The following PCSK6 variants were observed in gnomAD, a reference collection of about 807,000 sequenced individuals.
PCSK6 encodes paired basic amino acid cleaving enzyme 4.
In PCSK6, 85 loss-of-function variants were observed where a neutral mutation model predicts 123.3. The ratio of observed to expected loss-of-function variants is 0.69; its 90% CI spans 0.58 to 0.83. The LOEUF is 0.83. PCSK6 is among the 40% of genes least tolerant of loss of function. The probability of loss-of-function intolerance (pLI) is 0.00; values close to 1 mark genes in which losing one functional copy is unlikely to be tolerated. For missense variants in PCSK6, 1,191 were observed against 1,282.3 expected, an observed-to-expected ratio of 0.93 and a Z score of 1.09; for synonymous variants, 508 against 516.0, an observed-to-expected ratio of 0.98 and a Z score of 0.21.
intron 6 of PCSK6, among the ~76,000 whole-genome samples, chr15:101,422,929 AACTT>A (rs1233645606): frequency 6.6e-6 from 1 of 152,134 alleles, no homozygotes; most frequent in African/African-American, 2.4e-5. Context: ...CCAAGAAAGA[AACTT>A]AATGATATTC....
intron 1 of PCSK6, among the ~76,000 whole-genome samples, chr15:101,483,386 G>T (rs2057939763): frequency 6.6e-6 from 1 of 152,228 alleles, no homozygotes; most frequent in African/African-American, 2.4e-5. Context: ...GTCCTGCTCA[G>T]TAGCTATTTT....
intron 20 of PCSK6, among the ~76,000 whole-genome samples, chr15:101,311,681 C>T (rs1297959858): frequency 4.8e-5 from 5 of 103,792 alleles, no homozygotes; most frequent in Non-Finnish European, 7.9e-5. Flanking sequence ...CCCACCCCAT[C>T]GTCACCCCTC....
chr15:101,313,266 G>A (rs769942337), intron 20 of PCSK6, 110 bp downstream of exon 20: 1 of 1,583,896 alleles, frequency 6.3e-7, no homozygotes, highest in Non-Finnish European at 8.6e-7. Flanking sequence ...ACAGTGGGGT[G>A]ATGCAACATG....
intron 16 of PCSK6, among the ~76,000 whole-genome samples, chr15:101,326,079 C>A (rs918865928): frequency 1.3e-5 from 2 of 152,250 alleles, no homozygotes; most frequent in Non-Finnish European, 2.9e-5. Context: ...TCTGGGGCAG[C>A]CTTGGCACGC....
At chr15:101,400,016 C>T (rs914758639) in intron 6 of PCSK6, among the ~76,000 whole-genome samples, 2 of 152,094 alleles carry the variant, frequency 1.3e-5, no homozygotes, top group African/African-American at 2.4e-5. Flanking sequence ...AATATTTTGG[C>T]TATTTTCTTT....
At chr15:101,469,192 A>T (rs1296349576) in intron 1 of PCSK6, among the ~76,000 whole-genome samples, 1 of 151,976 alleles carries the variant, frequency 6.6e-6, no homozygotes, top group Non-Finnish European at 1.5e-5. Flanking sequence ...GAGCCTTACA[A>T]CTCCTGCTCA....
chr15:101,473,127 T>C (rs1313366725), intron 1 of PCSK6, among the ~76,000 whole-genome samples: 1 of 152,174 alleles, frequency 6.6e-6, no homozygotes, highest in East Asian at 1.9e-4. Context: ...CAGGCTGGAG[T>C]GCAGTGGCAT....
chr15:101,470,295 ATAATG>A lies in PCSK6; in HGVS notation c.297+19074_297+19078del, dbSNP rs1442442217. On this transcript the variant is annotated intron_variant, in intron 1 of 21. Coordinates refer to ENST00000611716, the MANE Select transcript of PCSK6 (RefSeq NM_002570.5). ...AATGACATCTTATTTATCTGTCTTT[ATAATG>A]TAATTAGTGTAATATCTGTATGTGT... Among the ~76,000 whole-genome samples, 5 of 152,310 alleles carry A rather than the reference ATAATG, an allele frequency of 3.3e-5. No individual in the cohort carries two copies. The East Asian group carries it at 9.6e-4, about 29-fold the overall frequency.
chr15:101,371,087 A>G (rs1461766644), intron 11 of PCSK6, among the ~76,000 whole-genome samples: 1 of 152,172 alleles, frequency 6.6e-6, no homozygotes, highest in East Asian at 1.9e-4. Context: ...GGTGTCTGTA[A>G]TCCCAGCTAC....
chr15:101,470,107 G>A (rs2057569862), intron 1 of PCSK6, among the ~76,000 whole-genome samples: 1 of 152,130 alleles, frequency 6.6e-6, no homozygotes, highest in Non-Finnish European at 1.5e-5. Flanking sequence ...GGGATCAAAC[G>A]TCCCTTGTTT....
intron 17 of PCSK6, among the ~76,000 whole-genome samples, chr15:101,323,147 A>C (rs1022752105): frequency 5.3e-5 from 8 of 152,100 alleles, no homozygotes; most frequent in African/African-American, 1.7e-4. Context: ...GCCTCATGAA[A>C]CACCACCATG....
chr15:101,458,787 A>G (rs761540669), intron 1 of PCSK6, among the ~76,000 whole-genome samples: 1 of 152,110 alleles, frequency 6.6e-6, no homozygotes, highest in East Asian at 1.9e-4. Context: ...ATTACTCACA[A>G]TGCCACCTCT....
At chr15:101,487,905 A>C (rs946951620) in intron 1 of PCSK6, among the ~76,000 whole-genome samples, 2 of 152,162 alleles carry the variant, frequency 1.3e-5, no homozygotes, top group African/African-American at 4.8e-5. Context: ...ATGGATATAC[A>C]TGTGCGTATA....
chr15:101,481,579 G>C (rs907377062), intron 1 of PCSK6, among the ~76,000 whole-genome samples: 4 of 152,014 alleles, frequency 2.6e-5, no homozygotes, highest in African/African-American at 9.7e-5. Flanking sequence ...GGCCACAGAG[G>C]CCACAGCCTG....
chr15:101,398,384 G>A lies in PCSK6; in HGVS notation c.996+20C>T. On this transcript the variant is annotated intron_variant, in intron 7 of 21. Transcript: ENST00000611716. This position sits in a 1 kb window ranked among gnomAD's most constrained non-coding sequence, Gnocchi z 4.6. ...CACCCTTGTCCCAGAGCGCTCCCCT[G>A]TAGCCCTGGTTACTCACACCTTTTT... The A allele has an allele frequency of 6.3e-7, 1 of 1,597,994 alleles. No homozygotes were observed. Among genetic ancestry groups the A allele is most frequent in the South Asian group, 1.1e-5 (1 of 89,418 alleles).
At chr15:101,357,906 C>A (rs1182005865) in intron 13 of PCSK6, among the ~76,000 whole-genome samples, 1 of 152,230 alleles carries the variant, frequency 6.6e-6, no homozygotes, top group Non-Finnish European at 1.5e-5. Context: ...CTTCTGTGGG[C>A]ACCAGAGCAT....
chr15:101,359,565 G>A (rs760517741), intron 13 of PCSK6, among the ~76,000 whole-genome samples: 2 of 152,236 alleles, frequency 1.3e-5, no homozygotes, highest in East Asian at 1.9e-4. Flanking sequence ...CAGCAGGACC[G>A]GAAGGAAGGA....
chr15:101,331,267 C>G (rs1180433972), intron 15 of PCSK6, among the ~76,000 whole-genome samples: 1 of 152,242 alleles, frequency 6.6e-6, no homozygotes, highest in Admixed American at 6.5e-5. Context: ...TTTTTAGATG[C>G]TGTAAGATTT....
intron 6 of PCSK6, among the ~76,000 whole-genome samples, chr15:101,410,119 C>T (rs1046012792): frequency 1.3e-5 from 2 of 152,146 alleles, no homozygotes; most frequent in Non-Finnish European, 2.9e-5. Flanking sequence ...TGTTTGTAGA[C>T]ACAGGGTCTC....
Sources: allele counts gnomAD v4.1 joint callset (sites outside exome capture counted in the v4.1 genomes callset), GRCh38; gene constraint gnomAD v4.1.1; non-coding constraint Gnocchi (gnomAD v3.1); transcripts MANE v1.5; gene names NCBI Gene and HGNC (gene_info 2026-07-23, HGNC 2026-07-21).